The following CDC40 variants were observed in gnomAD, a reference collection of about 807,000 sequenced individuals.
CDC40 encodes pre-mRNA-processing factor 17.
Under a neutral mutation model 80.6 loss-of-function variants are expected in CDC40, and 27 were observed. The observed-to-expected ratio is 0.33, with a 90% confidence interval of 0.25 to 0.46. The LOEUF (loss-of-function observed/expected upper bound fraction) is 0.46, where lower values mean the gene tolerates loss of function less well. Ranked by LOEUF, CDC40 falls within the 20% of genes least tolerant of loss-of-function variation. CDC40 has a pLI of 1.00. For synonymous variants in CDC40, 221 were observed against 232.6 expected, an observed-to-expected ratio of 0.95 and a Z score of 0.45; for missense variants, 486 against 694.1, an observed-to-expected ratio of 0.70 and a Z score of 3.37.
At chr6:110,225,735 C>T (rs1267219326) in intron 12 of CDC40, among the ~76,000 whole-genome samples, 3 of 152,136 alleles carry the variant, frequency 2.0e-5, no homozygotes, top group Non-Finnish European at 4.4e-5. Flanking sequence ...TACCATGGTA[C>T]ATTTTTAATT....
intron 8 of CDC40, among the ~76,000 whole-genome samples, chr6:110,214,724 A>C (rs1209649129): frequency 6.6e-6 from 1 of 152,216 alleles, no homozygotes; most frequent in Non-Finnish European, 1.5e-5. Flanking sequence ...GTCAAGAATA[A>C]AGCTAGCCTT....
chr6:110,186,086 A>G (rs924485473), intron 1 of CDC40, among the ~76,000 whole-genome samples: 3 of 152,220 alleles, frequency 2.0e-5, no homozygotes, highest in Non-Finnish European at 4.4e-5. Context: ...GTTGTCTGGT[A>G]TAATACATGC....
intron 4 of CDC40, among the ~76,000 whole-genome samples, chr6:110,207,973 G>GT (rs777281960): frequency 2.0e-5 from 3 of 152,174 alleles, no homozygotes; most frequent in Non-Finnish European, 2.9e-5. Context: ...TATTTGGTAA[G>GT]TCTGTGAAGA....
chr6:110,222,073 T>TTG (rs1230670425), intron 12 of CDC40, among the ~76,000 whole-genome samples: 4 of 150,258 alleles, frequency 2.7e-5, no homozygotes, highest in Admixed American at 1.3e-4. Context: ...CTGGGCAACA[T>TTG]TGTAAAACCC....
chr6:110,212,599 C>T (rs1401926146), intron 7 of CDC40, among the ~76,000 whole-genome samples: 4 of 152,164 alleles, frequency 2.6e-5, no homozygotes, highest in Non-Finnish European at 5.9e-5. Flanking sequence ...GTACTAGCAC[C>T]AAGTCTCCTG....
chr6:110,211,301 A>G (rs1011801254), intron 6 of CDC40: 3 of 152,224 alleles, frequency 2.0e-5, no homozygotes, highest in African/African-American at 7.2e-5. Flanking sequence ...CATATTCACC[A>G]AAACAAATCG....
chr6:110,208,105 CA>C (rs1413486283), intron 4 of CDC40, among the ~76,000 whole-genome samples: 1 of 152,192 alleles, frequency 6.6e-6, no homozygotes, highest in Admixed American at 6.5e-5. Flanking sequence ...TAACTTGTCA[CA>C]AGCCTCATCA....
At chr6:110,220,140 T>C (rs571491547) in intron 12 of CDC40, among the ~76,000 whole-genome samples, 1 of 152,318 alleles carries the variant, frequency 6.6e-6, no homozygotes, top group African/African-American at 2.4e-5. Flanking sequence ...TGTATTTTGC[T>C]GTCTTACATT....
rs369888023 is a variant in CDC40 at position 110,215,265 on chromosome 6, G to GT, written c.943-19dup. Reference sequence around the variant, plus strand: ...TTTATTAAATGTAATATTTCCATGTGTTGTTTTTTTTCTCCCCCAGCTATG... The same window carrying GT: ...TTTATTAAATGTAATATTTCCATGTGTTTGTTTTTTTTCTCCCCCAGCTATG... On this transcript the variant is annotated intron_variant, in intron 8 of 14. Transcript: ENST00000307731. The GT allele has an allele frequency of 3.1e-3, 5,022 of 1,603,932 alleles. 98 individuals carry two copies. The African/African-American group carries it at 0.056, about 18-fold the overall frequency.
At position 110,210,801 on chromosome 6, in the gene CDC40, A is replaced by G. The variant is rs1777628624; in HGVS notation, c.725A>G (p.His242Arg). Reference sequence around the variant, plus strand: ...CCTGGGGAGGAGAAGACAATCTTACATGGTAACATATTTTTTGTACATCTT... The same window carrying G: ...CCTGGGGAGGAGAAGACAATCTTACGTGGTAACATATTTTTTGTACATCTT... ...EKPGEEKTILHVKEMYDYQGR... is the reference protein window; with the variant it reads ...EKPGEEKTILRVKEMYDYQGR... Residue 242 changes from histidine to arginine, a missense_variant and splice_region_variant, in exon 6 of 15, where the codon CAT (histidine) becomes CGT (arginine). His to Arg is a conservative substitution (Grantham distance 29). This residue lies in a region of CDC40 where 381 missense variants were observed against 492.1 expected (regional missense o/e 0.77). Coordinates refer to ENST00000307731, the MANE Select transcript of CDC40 (RefSeq NM_015891.3). The G allele has an allele frequency of 2.6e-6, 4 of 1,509,604 alleles. No homozygotes were observed. Among genetic ancestry groups the G allele is most frequent in the South Asian group, 1.3e-5 (1 of 78,378 alleles). 93.5% of individuals were successfully genotyped at this position (1,509,604 alleles called of 1,614,324 possible). A position where few individuals can be genotyped will look rare whatever the true frequency, so the allele number is the denominator to read the frequency against.
At chr6:110,197,425 C>A (rs1777432367) in intron 2 of CDC40, among the ~76,000 whole-genome samples, 1 of 152,114 alleles carries the variant, frequency 6.6e-6, no homozygotes, top group Non-Finnish European at 1.5e-5. Context: ...ATGTACTGAT[C>A]ATTTTTTGTG....
intron 3 of CDC40, among the ~76,000 whole-genome samples, chr6:110,203,650 A>G (rs1562202906): frequency 6.6e-6 from 1 of 152,266 alleles, no homozygotes; most frequent in Non-Finnish European, 1.5e-5. Context: ...TTTATATTCT[A>G]CAATGCAGTT....
At chr6:110,210,503 A>AT (rs1015303413) in intron 5 of CDC40, among the ~76,000 whole-genome samples, 1 of 145,964 alleles carries the variant, frequency 6.9e-6, no homozygotes, top group Non-Finnish European at 1.5e-5. Flanking sequence ...GTGAGCAGAG[A>AT]TTCGCGCCAC....
chr6:110,229,753 C>T (rs569126262), intron 14 of CDC40, among the ~76,000 whole-genome samples: 1 of 152,070 alleles, frequency 6.6e-6, no homozygotes, highest in South Asian at 2.1e-4. Context: ...ATTTTCTACT[C>T]TTAGATTGGT....
chr6:110,217,869 T>TC, intron 10 of CDC40, 66 bp downstream of exon 10: 1 of 825,878 alleles, frequency 1.2e-6, no homozygotes, highest in Non-Finnish European at 2.0e-6. Context: ...ATGGTGTGAG[T>TC]AGTCTTTTGT....
At chr6:110,204,992 A>G (rs146224711) in intron 3 of CDC40, among the ~76,000 whole-genome samples, 22 of 152,166 alleles carry the variant, frequency 1.4e-4, no homozygotes, top group African/African-American at 5.1e-4. Context: ...AAAGATCCAT[A>G]TGATTGTTTT....
intron 6 of CDC40, chr6:110,211,588 A>G (rs988294682): frequency 1.3e-5 from 2 of 152,238 alleles, no homozygotes; most frequent in African/African-American, 4.8e-5. Flanking sequence ...GCATGCTGCT[A>G]ATTGCTGTAT....
chr6:110,191,582 G>A (rs1180004999), intron 1 of CDC40, among the ~76,000 whole-genome samples: 2 of 152,156 alleles, frequency 1.3e-5, no homozygotes, highest in Non-Finnish European at 1.5e-5. Flanking sequence ...ACTGAGCAGA[G>A]ACTTAAAAAG....
intron 5 of CDC40, among the ~76,000 whole-genome samples, chr6:110,210,460 A>C (rs1029983052): frequency 1.3e-5 from 2 of 150,064 alleles, no homozygotes; most frequent in African/African-American, 4.9e-5. Context: ...CTGAGGCAGG[A>C]GAATTGCTTG....
Sources: allele counts gnomAD v4.1 joint callset (sites outside exome capture counted in the v4.1 genomes callset), GRCh38; gene constraint gnomAD v4.1.1; regional missense constraint gnomAD v4.1.1; transcripts MANE v1.5; gene names NCBI Gene and HGNC (gene_info 2026-07-23, HGNC 2026-07-21).